Variants in HTT-AS observed in about 807,000 individuals in gnomAD.
HTT-AS encodes HTT antisense RNA.
In HTT-AS at chr4:3,070,294, C is replaced by CT. The variant is rs113541600; in HGVS notation, n.113+4131dup. 1,177 of 144,548 alleles carry CT rather than the reference C, an allele frequency of 8.1e-3. 12 individuals carry two copies. The highest frequency in any genetic ancestry group is 0.012 in the Non-Finnish European group (796 of 65,792). 9.0% of individuals were successfully genotyped at this position (144,548 alleles called of 1,614,324 possible). On this transcript the variant is annotated intron_variant and non_coding_transcript_variant, in intron 1 of 2. Transcript: ENST00000664062. ...CTAGGAACCTTATTTCTCTCTCGCT[C>CT]TTTTTTTTTTTTTTGAGACAGAGTC...
At chr4:3,048,504 G>A (rs890775442), downstream of HTT-AS, among the ~76,000 whole-genome samples, 11 of 152,076 alleles carry the variant, frequency 7.2e-5, no homozygotes, top group Admixed American at 2.0e-4. Flanking sequence ...CTTACCCAGG[G>A]TCCCTATACA....
At chr4:3,058,373 GC>G (rs1193713929) in intron 2 of HTT-AS, among the ~76,000 whole-genome samples, 1 of 151,886 alleles carries the variant, frequency 6.6e-6, no homozygotes, top group Non-Finnish European at 1.5e-5. Flanking sequence ...TCTATATGTT[GC>G]CATGGCATCA....
At chr4:3,047,276 C>A (rs546885424), downstream of HTT-AS, among the ~76,000 whole-genome samples, 20 of 151,912 alleles carry the variant, frequency 1.3e-4, no homozygotes, top group South Asian at 6.2e-4. Context: ...GCGCCACTGC[C>A]CTCCAGCCTG....
At chr4:3,062,404 C>T (rs2110123051) in intron 2 of HTT-AS, among the ~76,000 whole-genome samples, 1 of 152,268 alleles carries the variant, frequency 6.6e-6, no homozygotes, top group African/African-American at 2.4e-5. Flanking sequence ...TTCTCATCCC[C>T]TGCACCCTCC....
intron 1 of HTT-AS, among the ~76,000 whole-genome samples, chr4:3,072,407 G>A (rs568541014): frequency 7.2e-5 from 11 of 152,324 alleles, no homozygotes; most frequent in East Asian, 1.9e-4. Context: ...ACCCTTTTGC[G>A]ACCTAGTCAT....
At chr4:3,054,960 G>A (rs1043000194) in intron 2 of HTT-AS, among the ~76,000 whole-genome samples, 12 of 151,734 alleles carry the variant, frequency 7.9e-5, no homozygotes, top group South Asian at 2.1e-4. Flanking sequence ...TGATCTGCCC[G>A]CCTCCACCTC....
intron 1 of HTT-AS, among the ~76,000 whole-genome samples, chr4:3,071,259 G>A (rs1341407626): frequency 6.6e-5 from 10 of 152,158 alleles, no homozygotes; most frequent in African/African-American, 2.4e-4. Context: ...AGGCCAGGCT[G>A]GAATGACAAC....
rs541056717 is a variant in HTT-AS, at chr4:3,068,199, G to T, written n.114-4499C>A. On this transcript the variant is annotated intron_variant and non_coding_transcript_variant, in intron 1 of 2. Coordinates refer to ENST00000664062, the Ensembl canonical transcript of HTT-AS. Reference sequence around the variant, plus strand: ...TGGGTGCCTGTAGTCCCAGCTACTCGGGAGGCTGAGGCAGGAGAATGGCGT... The same window carrying T: ...TGGGTGCCTGTAGTCCCAGCTACTCTGGAGGCTGAGGCAGGAGAATGGCGT... Among the ~76,000 whole-genome samples the T allele has an allele frequency of 6.6e-4, 100 of 151,342 alleles. 1 individual carries two copies. The highest frequency in any genetic ancestry group is 1.3e-3 in the Non-Finnish European group (86 of 67,870).
At chr4:3,053,562 AAG>A (rs1175156046) in intron 2 of HTT-AS, among the ~76,000 whole-genome samples, 1 of 152,064 alleles carries the variant, frequency 6.6e-6, no homozygotes, top group African/African-American at 2.4e-5. Flanking sequence ...AAATAAATAA[AAG>A]AGCTCTAATT....
At chr4:3,047,277 C>A (rs1231256756), downstream of HTT-AS, among the ~76,000 whole-genome samples, 3 of 151,942 alleles carry the variant, frequency 2.0e-5, no homozygotes, top group African/African-American at 7.3e-5. Context: ...CGCCACTGCC[C>A]TCCAGCCTGG....
At chr4:3,070,038 C>T (rs1391965642) in intron 1 of HTT-AS, 1 of 152,420 alleles carries the variant, frequency 6.6e-6, no homozygotes, top group Admixed American at 6.5e-5. Flanking sequence ...TGTGCACCCC[C>T]TCTGGCTGCT....
chr4:3,048,938 A>G (rs987977206), downstream of HTT-AS, among the ~76,000 whole-genome samples: 3 of 152,216 alleles, frequency 2.0e-5, no homozygotes, highest in African/African-American at 4.8e-5. Flanking sequence ...TACAGGCAAC[A>G]TATGTCTCAT....
At chr4:3,071,260 G>T (rs1285980401) in intron 1 of HTT-AS, among the ~76,000 whole-genome samples, 1 of 152,176 alleles carries the variant, frequency 6.6e-6, no homozygotes, top group Non-Finnish European at 1.5e-5. Context: ...GGCCAGGCTG[G>T]AATGACAACT....
At chr4:3,058,098 G>A (rs1026175734) in intron 2 of HTT-AS, among the ~76,000 whole-genome samples, 98 of 151,876 alleles carry the variant, frequency 6.5e-4, no homozygotes, top group African/African-American at 2.1e-3. Context: ...AGGCCAAGGC[G>A]GGCAGATGAC....
intron 2 of HTT-AS, among the ~76,000 whole-genome samples, chr4:3,059,067 T>C (rs567358171): frequency 6.6e-6 from 1 of 152,176 alleles, no homozygotes; most frequent in Non-Finnish European, 1.5e-5. Context: ...CGAGAAAGCT[T>C]CTGTACTGCC....
exon 2 of HTT-AS, among the ~76,000 whole-genome samples, chr4:3,062,537 G>A (rs1026038501): frequency 1.3e-5 from 2 of 151,956 alleles, no homozygotes; most frequent in African/African-American, 2.4e-5. Context: ...GTGCTTCACC[G>A]CCTTGACAGT....
At chr4:3,059,767 T>G (rs1711890213) in intron 2 of HTT-AS, among the ~76,000 whole-genome samples, 1 of 152,046 alleles carries the variant, frequency 6.6e-6, no homozygotes, top group Non-Finnish European at 1.5e-5. Context: ...GAGATGGGGT[T>G]TCACCATGTT....
intron 2 of HTT-AS, among the ~76,000 whole-genome samples, chr4:3,052,720 G>A (rs1711726692): frequency 6.6e-6 from 1 of 152,160 alleles, no homozygotes. Flanking sequence ...TGGGCATGGT[G>A]GCTCACGCCT....
At chr4:3,049,212 T>G (rs1711655922) in exon 3 of HTT-AS, among the ~76,000 whole-genome samples, 1 of 151,958 alleles carries the variant, frequency 6.6e-6, no homozygotes, top group Admixed American at 6.6e-5. Context: ...TCACCTGAGG[T>G]TAGAAGTTCA....
Sources: gnomAD v4.1 joint callset for allele counts (sites outside exome capture counted in the v4.1 genomes callset) on GRCh38, gnomAD v4.1.1 for gene constraint, MANE v1.5 for transcripts, NCBI Gene and HGNC (gene_info 2026-07-23, HGNC 2026-07-21) for gene names.